STOM: variants seen among roughly 807,000 people sequenced by gnomAD.
STOM encodes erythrocyte band 7 integral membrane protein.
In STOM, 25 loss-of-function variants were observed where a neutral mutation model predicts 30.6. The observed-to-expected ratio is 0.82, with a 90% CI of 0.60 to 1.14. The LOEUF is 1.14. Among genes scored for constraint, STOM ranks in the 50% most tolerant of loss-of-function variants. The probability of loss-of-function intolerance (pLI) is 0.00; values close to 1 mark genes in which losing one functional copy is unlikely to be tolerated. For missense variants in STOM, 292 were observed against 365.2 expected (o/e 0.80, Z 1.63); for synonymous variants, 118 against 130.8 (o/e 0.90, Z 0.67).
rs781180673 is a variant in STOM, at chr9:121,353,262, T to C, written c.279A>G (p.Lys93=). ...FILPCTDSFI[K]VDMRTISFDI... ...CAAATGAAATAGTTCTCATGTCCAC[T>C]TTGATGAAGCTGTCAGTGCATGGCA... The change falls in exon 4 of 7, where the codon AAA becomes AAG. Residue 93 remains lysine (K), a synonymous_variant. Transcript: ENST00000286713. 6 of 1,612,062 alleles carry C rather than the reference T, an allele frequency of 3.7e-6. No homozygotes were observed. In the Admixed American group the frequency reaches 1.0e-4, roughly 27 times the overall value.
intron 1 of STOM, among the ~76,000 whole-genome samples, chr9:121,358,577 C>G (rs1037888939): frequency 1.3e-5 from 2 of 152,168 alleles, no homozygotes; most frequent in Non-Finnish European, 2.9e-5. Flanking sequence ...CTCCCCGTTA[C>G]CCCCACCACA....
At chr9:121,345,518 C>T (rs2064281609) in intron 6 of STOM, among the ~76,000 whole-genome samples, 1 of 152,112 alleles carries the variant, frequency 6.6e-6, no homozygotes, top group South Asian at 2.1e-4. Context: ...ACTGTGACCC[C>T]CCTATTTTCC....
intron 1 of STOM, among the ~76,000 whole-genome samples, chr9:121,356,708 C>T (rs1046339204): frequency 1.4e-4 from 21 of 152,132 alleles, no homozygotes; most frequent in African/African-American, 2.2e-4. Flanking sequence ...GGAGGCTGGG[C>T]GTCGTGGCTC....
At chr9:121,349,979 T>C (rs1589290162) in intron 4 of STOM, among the ~76,000 whole-genome samples, 1 of 152,226 alleles carries the variant, frequency 6.6e-6, no homozygotes, top group Non-Finnish European at 1.5e-5. Context: ...ATTTGTAAAG[T>C]AGAGATTAAT....
intron 2 of STOM, 36 bp from the exon 3 acceptor site, chr9:121,354,709 G>C: frequency 6.7e-7 from 1 of 1,497,746 alleles, no homozygotes; most frequent in Non-Finnish European, 9.2e-7. Flanking sequence ...TTAACATGAA[G>C]AGTACAAATA....
intron 1 of STOM, among the ~76,000 whole-genome samples, chr9:121,358,995 G>A (rs2064424216): frequency 6.6e-6 from 1 of 152,134 alleles, no homozygotes; most frequent in Admixed American, 6.5e-5. Context: ...TGTATCAAGT[G>A]TCATCCTCAT....
chr9:121,354,651 G>T lies in STOM; in HGVS notation c.188C>A (p.Ala63Asp). 1 of 1,611,748 alleles carries T rather than the reference G, an allele frequency of 6.2e-7. No individual in the cohort carries two copies. Among genetic ancestry groups the T allele is most frequent in the Non-Finnish European group, 8.5e-7 (1 of 1,178,422 alleles). The change falls in exon 3 of 7, where the codon GCC (alanine) becomes GAC (aspartate). Residue 63 changes from alanine (A) to aspartate (D), a missense_variant. Ala to Asp is a moderately radical substitution (Grantham distance 126, BLOSUM62 -2). Transcript: ENST00000286713. The stretch of plus-strand genomic sequence containing the variant: ...AATGCGACCCAATCTAAAGATGATG[G>T]CTCTTTCATACTCTTTTATAATCTA... ...CIKIIKEYER[A>D]IIFRLGRILQ...
At chr9:121,361,745 T>G (rs535348632) in intron 1 of STOM, among the ~76,000 whole-genome samples, 3 of 152,278 alleles carry the variant, frequency 2.0e-5, no homozygotes, top group African/African-American at 4.8e-5. Flanking sequence ...CCTATGATAC[T>G]TGGTTGTAAA....
intron 1 of STOM, chr9:121,366,152 T>C: frequency 4.1e-6 from 4 of 985,390 alleles, no homozygotes; most frequent in Non-Finnish European, 4.8e-6. Context: ...AAGTTCAGTA[T>C]AGTTTTCATT....
chr9:121,339,920 T>C lies in STOM; in HGVS notation c.*1282A>G, dbSNP rs1200172718. 6.5e-6 allele frequency: 7 copies of C among 1,068,906 alleles called. No homozygotes were observed. The highest frequency in any genetic ancestry group is 5.0e-5 in the African/African-American group (3 of 60,100). 66.2% of individuals were successfully genotyped at this position (1,068,906 alleles called of 1,614,324 possible). ...TAGTCAATATACTGTGAATTCCTTA[T>C]ACTATGTAATGAATGGGTTTGTAAT... On this transcript the variant is annotated 3_prime_UTR_variant, in exon 7 of 7. Coordinates refer to ENST00000286713, the MANE Select transcript of STOM (RefSeq NM_004099.6).
At chr9:121,344,431 C>T (rs191236091) in intron 6 of STOM, among the ~76,000 whole-genome samples, 2 of 152,260 alleles carry the variant, frequency 1.3e-5, no homozygotes, top group East Asian at 3.9e-4. Flanking sequence ...GGCTGAGAAG[C>T]CAGACCCACC....
intron 6 of STOM, among the ~76,000 whole-genome samples, chr9:121,344,899 A>G (rs768266848): frequency 5.5e-4 from 83 of 152,242 alleles, no homozygotes; most frequent in Non-Finnish European, 7.1e-4. Context: ...TCAGGCCACT[A>G]AGAGCTGGTC....
rs576130647 is a variant in STOM, at chr9:121,351,394, C to A, written c.321+1826G>T. 9.8e-5 allele frequency among the ~76,000 whole-genome samples: 15 copies of A among 152,302 alleles called. No homozygotes were observed. In the South Asian group the frequency reaches 3.1e-3, roughly 32 times the overall value. On this transcript the variant is annotated intron_variant, in intron 4 of 6. Transcript: ENST00000286713. Reference sequence around the variant, plus strand: ...GGTGGATTATAAAGTCTGACCCCACCCACTTCTTGGATCAGTACCAACAAG... The same window carrying A: ...GGTGGATTATAAAGTCTGACCCCACACACTTCTTGGATCAGTACCAACAAG...
chr9:121,366,814 G>A (rs1000054950), intron 1 of STOM, among the ~76,000 whole-genome samples: 3 of 152,098 alleles, frequency 2.0e-5, no homozygotes, highest in Non-Finnish European at 2.9e-5. Context: ...CTAAAGGCCA[G>A]GCTTGGTAGC....
At position 121,349,214 on chromosome 9, in the gene STOM, C is replaced by T. The variant is rs1248813911; in HGVS notation, c.431G>A (p.Arg144His). 7.4e-6 allele frequency: 12 copies of T among 1,614,136 alleles called. No individual in the cohort carries two copies. Among genetic ancestry groups the T allele is most frequent in the South Asian group, 1.1e-5 (1 of 91,088 alleles). ...ANITNADSAT[R>H]LLAQTTLRNV... is the part of the protein sequence containing the mutation. ...CCTCAGAGTAGTTTGTGCCAAAAGA[C>T]GGGTTGCTGAGTCAGCGTTGGTGAT... is the stretch of plus-strand genomic sequence containing the variant. The change falls in exon 5 of 7, where the codon CGT becomes CAT. Residue 144 changes from arginine to histidine, a missense_variant. Arg to His is a conservative substitution (Grantham distance 29). Coordinates refer to ENST00000286713, the MANE Select transcript of STOM (RefSeq NM_004099.6).
chr9:121,358,022 C>T (rs1385124088), intron 1 of STOM, among the ~76,000 whole-genome samples: 2 of 151,992 alleles, frequency 1.3e-5, no homozygotes, highest in Non-Finnish European at 2.9e-5. Flanking sequence ...CGCTTTGCAG[C>T]TGGGTGCAGG....
Position 121,348,044 on chromosome 9 carries a change from C to T in STOM, c.631G>A (p.Ala211Thr). Residue 211 changes from alanine (A) to threonine (T), a missense_variant, in exon 6 of 7, where the codon GCA becomes ACA. Ala to Thr is a moderately conservative substitution (Grantham distance 58). Transcript: ENST00000286713. Reference protein sequence around the residue: ...VQLQRAMAAEAEASREARAKV... With the variant: ...VQLQRAMAAETEASREARAKV... ...GCGCGGGCCTCGCGGGACGCTTCTG[C>T]TTCTGCAGCCATAGCTCTCTGGAGC... 6.2e-7 allele frequency: 1 copy of T among 1,614,166 alleles called. No homozygotes were observed. Among genetic ancestry groups the T allele is most frequent in the Non-Finnish European group, 8.5e-7 (1 of 1,179,992 alleles).
rs887532236 is a variant in STOM, at chr9:121,356,107, G to A, written c.111C>T (p.Phe37=). The part of the protein sequence containing the change: ...LGPCGWILVA[F]SFLFTVITFP... Reference sequence around the variant, plus strand: ...AAGTTATAACGGTGAATAAGAATGAGAACGCCACCAAAATCCATCCGCAAG... The same window carrying A: ...AAGTTATAACGGTGAATAAGAATGAAAACGCCACCAAAATCCATCCGCAAG... Residue 37 remains phenylalanine, a synonymous_variant, in exon 2 of 7, where the codon TTC becomes TTT. Coordinates refer to ENST00000286713, the MANE Select transcript of STOM (RefSeq NM_004099.6). 2 of 1,614,106 alleles carry A rather than the reference G, an allele frequency of 1.2e-6. No homozygotes were observed. Among genetic ancestry groups the A allele is most frequent in the Admixed American group, 1.7e-5 (1 of 60,016 alleles).
In STOM at chr9:121,339,433, T is replaced by C. The variant is rs1225279014; in HGVS notation, c.*1769A>G. ...CTTGAGTTTAAGTTGCACTGCTCCA[T>C]ACCTCTAATAAACTCAGCTAGGAGC... On this transcript the variant is annotated 3_prime_UTR_variant, in exon 7 of 7. Coordinates refer to ENST00000286713, the MANE Select transcript of STOM (RefSeq NM_004099.6). 2.5e-6 allele frequency: 2 copies of C among 815,628 alleles called. No homozygotes were observed. The highest frequency in any genetic ancestry group is 3.3e-6 in the Non-Finnish European group (2 of 613,518). 50.5% of individuals were successfully genotyped at this position (815,628 alleles called of 1,614,324 possible).
Sources: allele counts gnomAD v4.1 joint callset (sites outside exome capture counted in the v4.1 genomes callset), GRCh38; gene constraint gnomAD v4.1.1; transcripts MANE v1.5; gene names NCBI Gene and HGNC (gene_info 2026-07-23, HGNC 2026-07-21).